SMURF1: variants seen among roughly 807,000 people sequenced by gnomAD.
The protein encoded by SMURF1 is SMAD specific E3 ubiquitin protein ligase 1, also known as E3 ubiquitin-protein ligase SMURF1.
Under a neutral mutation model 98.0 loss-of-function variants are expected in SMURF1, and 44 were observed. The ratio of observed to expected loss-of-function variants is 0.45; its 90% CI spans 0.35 to 0.58. The LOEUF is 0.58. Ranked by LOEUF, SMURF1 falls within the 20% of genes least tolerant of loss-of-function variation. SMURF1 has a pLI of 0.00. For synonymous variants in SMURF1, 396 were observed against 374.9 expected, an observed-to-expected ratio of 1.06 and a Z score of -0.65; for missense variants, 687 against 938.4, an observed-to-expected ratio of 0.73 and a Z score of 3.50.
At chr7:99,054,332 A>T (rs1290035190) in intron 6 of SMURF1, among the ~76,000 whole-genome samples, 1 of 152,032 alleles carries the variant, frequency 6.6e-6, no homozygotes. Context: ...TTTGAGACAG[A>T]GTCTTGCTCT....
At chr7:99,129,461 A>G (rs1797818371) in intron 1 of SMURF1, among the ~76,000 whole-genome samples, 1 of 152,230 alleles carries the variant, frequency 6.6e-6, no homozygotes, top group Non-Finnish European at 1.5e-5. Context: ...GCACAATCAC[A>G]GCTCATTGTA....
chr7:99,141,122 G>A (rs1321200037), intron 1 of SMURF1, among the ~76,000 whole-genome samples: 1 of 152,172 alleles, frequency 6.6e-6, no homozygotes, highest in African/African-American at 2.4e-5. Flanking sequence ...AGGTGTTTCA[G>A]AAACAACACT....
chr7:99,091,702 A>AT lies in SMURF1; in HGVS notation c.56-29866dup, dbSNP rs757254811. On this transcript the variant is annotated intron_variant, in intron 1 of 17. Transcript: ENST00000361368. ...CTCTGGCTTCTACCCTAGTCTTATAATTTTTTTTTAAACGTCTTTTCATCC... is the reference window on the plus strand; with the variant it reads ...CTCTGGCTTCTACCCTAGTCTTATAATTTTTTTTTTAAACGTCTTTTCATCC... Among the ~76,000 whole-genome samples the AT allele has an allele frequency of 1.8e-4, 28 of 151,838 alleles. No homozygotes were observed. The East Asian group carries it at 2.5e-3, about 14-fold the overall frequency.
intron 1 of SMURF1, among the ~76,000 whole-genome samples, chr7:99,083,680 T>C (rs1320582820): frequency 3.9e-5 from 6 of 152,236 alleles, no homozygotes; most frequent in Non-Finnish European, 8.8e-5. Context: ...TCCATCTTGA[T>C]TTTTCAAGGA....
At chr7:99,056,293 T>C (rs1056762052) in intron 5 of SMURF1, among the ~76,000 whole-genome samples, 3 of 152,150 alleles carry the variant, frequency 2.0e-5, no homozygotes, top group Non-Finnish European at 4.4e-5. Context: ...TTTTTTTTTT[T>C]ATTCCATGCA....
rs531943324 is a variant in SMURF1 at position 99,028,938 on chromosome 7, G to A, written c.*1646C>T. 2.0e-5 allele frequency: 3 copies of A among 152,336 alleles called. No homozygotes were observed. In the South Asian group the frequency reaches 6.2e-4, roughly 32 times the overall value. The allele number at this position is 152,336 out of a possible 1,614,324, so 9.4% of individuals were successfully genotyped here. A position where few individuals can be genotyped will look rare whatever the true frequency, so the allele number is the denominator to read the frequency against. On this transcript the variant is annotated 3_prime_UTR_variant, in exon 18 of 18. Transcript: ENST00000361368. ...CCTCAGGAAGCATCATGGTGAATGA[G>A]ACACAGGATGTGCCCACCTGTGGGG...
intron 14 of SMURF1, 100 bp from the exon 15 acceptor site, chr7:99,037,287 G>A: frequency 1.4e-6 from 2 of 1,462,310 alleles, no homozygotes; most frequent in Non-Finnish European, 1.9e-6. Context: ...ACCCAGGCTG[G>A]AGTGCAATGG....
intron 13 of SMURF1, among the ~76,000 whole-genome samples, chr7:99,039,619 CG>C (rs1366562959): frequency 1.3e-5 from 2 of 152,146 alleles, no homozygotes; most frequent in East Asian, 3.9e-4. Context: ...CCACCCACCT[CG>C]GCCCCACAAA....
chr7:99,141,609 T>TA (rs1351550168), intron 1 of SMURF1, among the ~76,000 whole-genome samples: 1 of 152,200 alleles, frequency 6.6e-6, no homozygotes, highest in African/African-American at 2.4e-5. Flanking sequence ...AACTACCTCC[T>TA]ACGTTACAAA....
intron 1 of SMURF1, among the ~76,000 whole-genome samples, chr7:99,081,991 C>T (rs368856390): frequency 2.0e-4 from 30 of 152,304 alleles, no homozygotes; most frequent in African/African-American, 5.8e-4. Context: ...AGTGAGTCTA[C>T]GGGGTATCTC....
chr7:99,140,443 C>T (rs906930440), intron 1 of SMURF1, among the ~76,000 whole-genome samples: 2 of 152,010 alleles, frequency 1.3e-5, no homozygotes, highest in Non-Finnish European at 2.9e-5. Flanking sequence ...CCCGCCACCA[C>T]ACCCAGCTAA....
intron 1 of SMURF1, among the ~76,000 whole-genome samples, chr7:99,102,663 G>A (rs1226554303): frequency 6.6e-6 from 1 of 152,092 alleles, no homozygotes; most frequent in African/African-American, 2.4e-5. Context: ...GTATATACAA[G>A]AATAACACAT....
In SMURF1 at chr7:99,028,969, G is replaced by A. The variant is rs1794790847; in HGVS notation, c.*1615C>T. 6.6e-6 allele frequency: 1 copy of A among 152,262 alleles called. No individual in the cohort carries two copies. The highest frequency in any genetic ancestry group is 1.5e-5 in the Non-Finnish European group (1 of 68,066). The allele number at this position is 152,262 out of a possible 1,614,324, so 9.4% of individuals were successfully genotyped here. Reference sequence around the variant, plus strand: ...GGATGTGCCCACCTGTGGGGGCAAGGCAGAACTTTTCAAAGAGGCTAAGCC... The same window carrying A: ...GGATGTGCCCACCTGTGGGGGCAAGACAGAACTTTTCAAAGAGGCTAAGCC... On this transcript the variant is annotated 3_prime_UTR_variant, in exon 18 of 18. Coordinates refer to ENST00000361368, the MANE Select transcript of SMURF1 (RefSeq NM_181349.3).
intron 1 of SMURF1, among the ~76,000 whole-genome samples, chr7:99,111,949 G>A (rs1374508453): frequency 1.3e-5 from 2 of 152,168 alleles, no homozygotes; most frequent in Non-Finnish European, 2.9e-5. Flanking sequence ...AGGTCTACAG[G>A]GGAGGAGAGG....
At chr7:99,073,320 A>G (rs1796373870) in intron 1 of SMURF1, among the ~76,000 whole-genome samples, 1 of 151,616 alleles carries the variant, frequency 6.6e-6, no homozygotes, top group South Asian at 2.1e-4. Context: ...CGTGGGTTGC[A>G]GTGAGTCCAG....
intron 2 of SMURF1, 55 bp from the exon 3 acceptor site, chr7:99,060,762 C>T: frequency 9.1e-7 from 1 of 1,102,408 alleles, no homozygotes; most frequent in Non-Finnish European, 1.3e-6. Context: ...ATCCATGTGA[C>T]ACAGAACACA....
intron 1 of SMURF1, among the ~76,000 whole-genome samples, chr7:99,062,043 C>A (rs148078853): frequency 6.6e-6 from 1 of 151,410 alleles, no homozygotes; most frequent in Non-Finnish European, 1.5e-5. Flanking sequence ...ATAACAAATA[C>A]AAAATGCTTT....
At position 99,037,234 on chromosome 7, in the gene SMURF1, C is replaced by T. The variant is rs181387412; in HGVS notation, c.1689-47G>A. 243 of 1,611,430 alleles carry T rather than the reference C, an allele frequency of 1.5e-4. 1 individual carries two copies. In the East Asian group the frequency reaches 3.8e-3, roughly 25 times the overall value. ...TGGATGCAACACCAAGTGGATTTTC[C>T]GCCATGGGCAGGTTTTTTTTGGAGA... On this transcript the variant is annotated intron_variant, in intron 14 of 17. Coordinates refer to ENST00000361368, the MANE Select transcript of SMURF1 (RefSeq NM_181349.3).
chr7:99,061,952 G>T (rs530281359), intron 1 of SMURF1, 115 bp from the exon 2 acceptor site: 4 of 742,906 alleles, frequency 5.4e-6, no homozygotes, highest in South Asian at 2.6e-5. Context: ...CCGAAGATTT[G>T]ACTTTCAAAT....
Sources: gnomAD v4.1 joint callset for allele counts (sites outside exome capture counted in the v4.1 genomes callset) on GRCh38, gnomAD v4.1.1 for gene constraint, MANE v1.5 for transcripts, NCBI Gene and HGNC (gene_info 2026-07-23, HGNC 2026-07-21) for gene names.